BICD2: variants seen among roughly 807,000 people sequenced by gnomAD.
The protein encoded by BICD2 is BICD cargo adaptor 2, also known as protein bicaudal D homolog 2.
In BICD2, 25 loss-of-function variants were observed where a neutral mutation model predicts 72.9. That is an observed-to-expected ratio of 0.34 (90% CI 0.25 to 0.48). The LOEUF (loss-of-function observed/expected upper bound fraction) is 0.48. Among genes scored for constraint, BICD2 ranks in the 20% least tolerant of loss-of-function variants. BICD2 has a pLI of 0.99. For missense variants in BICD2, 894 were observed against 1,175.2 expected, an observed-to-expected ratio of 0.76 and a Z score of 3.50; for synonymous variants, 501 against 516.1, an observed-to-expected ratio of 0.97 and a Z score of 0.40.
chr9:92,714,307 T>C lies in BICD2; in HGVS notation c.*847A>G, dbSNP rs904767072. On this transcript the variant is annotated 3_prime_UTR_variant, in exon 7 of 7. Transcript: ENST00000356884. The stretch of plus-strand genomic sequence containing the variant: ...GAACCCCCTATGGAAGGCCGGATAA[T>C]TGGCTGCTGGGGTCACCCCAAGTAC... 1.5e-5 allele frequency: 15 copies of C among 985,376 alleles called. No individual in the cohort carries two copies. The African/African-American group carries it at 2.4e-4, about 16-fold the overall frequency. The allele number at this position is 985,376 out of a possible 1,614,324, so 61.0% of individuals were successfully genotyped here.
chr9:92,749,148 C>T (rs571763950), intron 1 of BICD2, among the ~76,000 whole-genome samples: 3 of 151,918 alleles, frequency 2.0e-5, no homozygotes, highest in African/African-American at 7.2e-5. Flanking sequence ...AGGGTGGGGC[C>T]TCTTGAGGAC....
chr9:92,730,995 C>T (rs1216919084), intron 1 of BICD2, among the ~76,000 whole-genome samples: 1 of 152,206 alleles, frequency 6.6e-6, no homozygotes, highest in African/African-American at 2.4e-5. Flanking sequence ...TACACAGCAC[C>T]TCATCCACCC....
intron 1 of BICD2, among the ~76,000 whole-genome samples, chr9:92,751,109 C>T (rs1854138645): frequency 1.3e-5 from 2 of 149,604 alleles, no homozygotes; most frequent in Admixed American, 1.4e-4. Flanking sequence ...TGAGGTTTCA[C>T]CATGTTGGCC....
In BICD2 at chr9:92,719,598, C is replaced by T; in HGVS notation, c.1063-16G>A. On this transcript the variant is annotated splice_polypyrimidine_tract_variant and intron_variant, in intron 4 of 6. Coordinates refer to ENST00000356884, the MANE Select transcript of BICD2 (RefSeq NM_001003800.2). ...CCCGCTCCATCTGCAAAGGCACAGG[C>T]AGCAGGACACCATGTCAGTTGCTAT... 6.3e-7 allele frequency: 1 copy of T among 1,578,350 alleles called. No homozygotes were observed. The highest frequency in any genetic ancestry group is 8.6e-7 in the Non-Finnish European group (1 of 1,165,068).
chr9:92,714,732 T>C lies in BICD2; in HGVS notation c.*422A>G. 1.0e-6 allele frequency: 1 copy of C among 999,396 alleles called. No individual in the cohort carries two copies. The highest frequency in any genetic ancestry group is 1.2e-6 in the Non-Finnish European group (1 of 839,796). The allele number at this position is 999,396 out of a possible 1,614,324, so 61.9% of individuals were successfully genotyped here. A position where few individuals can be genotyped will look rare whatever the true frequency, so the allele number is the denominator to read the frequency against. On this transcript the variant is annotated 3_prime_UTR_variant, in exon 7 of 7. Coordinates refer to ENST00000356884, the MANE Select transcript of BICD2 (RefSeq NM_001003800.2). Reference sequence around the variant, plus strand: ...AGGCTGGAACCTCCTAAAACTGCTTTCTAGTGCTGACATTAGACACATGCG... The same window carrying C: ...AGGCTGGAACCTCCTAAAACTGCTTCCTAGTGCTGACATTAGACACATGCG...
At chr9:92,745,515 G>T (rs1266420216) in intron 1 of BICD2, among the ~76,000 whole-genome samples, 1 of 152,044 alleles carries the variant, frequency 6.6e-6, no homozygotes, top group Non-Finnish European at 1.5e-5. Flanking sequence ...TCCACCCCCA[G>T]GTTTTCCCAG....
chr9:92,720,744 C>G lies in BICD2; in HGVS notation c.618G>C (p.Glu206Asp). Residue 206 changes from glutamate to aspartate, a missense_variant, in exon 4 of 7, where the codon GAG becomes GAC. Glu to Asp is a conservative substitution (Grantham distance 45, BLOSUM62 2). Coordinates refer to ENST00000356884, the MANE Select transcript of BICD2 (RefSeq NM_001003800.2). The surrounding 1 kb of genome is among the most constrained non-coding windows in gnomAD (Gnocchi z 5.4). ...SVLRQNQVEF[E>D]GLKHEIKRLE... ...GACGCTTGATCTCATGCTTGAGGCC[C>G]TCAAACTCCACCTGGGAAGAGAAGT... 1.2e-6 allele frequency: 2 copies of G among 1,613,448 alleles called. No homozygotes were observed. The highest frequency in any genetic ancestry group is 1.7e-6 in the Non-Finnish European group (2 of 1,179,546).
rs540475126 is a variant in BICD2, at chr9:92,718,887, T to C, written c.1758A>G (p.Leu586=). 3 of 1,601,278 alleles carry C rather than the reference T, an allele frequency of 1.9e-6. No individual in the cohort carries two copies. The highest frequency in any genetic ancestry group is 1.7e-5 in the Admixed American group (1 of 58,022). The change falls in exon 5 of 7, where the codon CTA becomes CTG. Residue 586 remains leucine, a synonymous_variant. Transcript: ENST00000356884. ...CCTCAGGAGCCAGCAGCCCCTTGGG[T>C]AGGAGGATGGGTGAGCGCCGGCCAC... is the stretch of plus-strand genomic sequence containing the variant. ...EARGRRSPIL[L]PKGLLAPEAG...
chr9:92,713,317 A>G lies in BICD2; in HGVS notation c.*1837T>C, dbSNP rs1853229864. On this transcript the variant is annotated 3_prime_UTR_variant, in exon 7 of 7. Transcript: ENST00000356884. ...AAACCTGGGGAATGCTATTTTGAAA[A>G]GAATTGCAGTGGCATATCCAAAAAG... 5.6e-6 allele frequency: 5 copies of G among 894,024 alleles called. No homozygotes were observed. The highest frequency in any genetic ancestry group is 8.7e-6 in the Non-Finnish European group (5 of 575,194). The allele number at this position is 894,024 out of a possible 1,614,324, so 55.4% of individuals were successfully genotyped here. A position where few individuals can be genotyped will look rare whatever the true frequency, so the allele number is the denominator to read the frequency against.
rs907495615 is a variant in BICD2 at position 92,720,819 on chromosome 9, A to G, written c.607-64T>C. The G allele has an allele frequency of 2.0e-6, 3 of 1,527,610 alleles. No individual in the cohort carries two copies. The African/African-American group carries it at 4.1e-5, about 21-fold the overall frequency. The allele number at this position is 1,527,610 out of a possible 1,614,324, so 94.6% of individuals were successfully genotyped here. A position where few individuals can be genotyped will look rare whatever the true frequency, so the allele number is the denominator to read the frequency against. On this transcript the variant is annotated intron_variant, in intron 3 of 6. Coordinates refer to ENST00000356884, the MANE Select transcript of BICD2 (RefSeq NM_001003800.2). The surrounding 1 kb of genome is among the most constrained non-coding windows in gnomAD (Gnocchi z 5.4). ...TGGAAGCTCCTTTCAGGCCCCATAAATGAAGAAAACACACCAGCACACCAA... is the reference window on the plus strand; with the variant it reads ...TGGAAGCTCCTTTCAGGCCCCATAAGTGAAGAAAACACACCAGCACACCAA...
At chr9:92,759,494 G>A (rs578240583) in intron 1 of BICD2, among the ~76,000 whole-genome samples, 35 of 152,312 alleles carry the variant, frequency 2.3e-4, no homozygotes, top group South Asian at 1.9e-3. Flanking sequence ...AGGGTGGCAA[G>A]GGGAGCCTGC....
intron 1 of BICD2, among the ~76,000 whole-genome samples, chr9:92,730,088 C>A (rs1481725989): frequency 6.6e-6 from 1 of 152,228 alleles, no homozygotes; most frequent in African/African-American, 2.4e-5. Flanking sequence ...CCTCTCCTTC[C>A]CTCCCACTGC....
rs145083783 is a variant in BICD2 at position 92,720,615 on chromosome 9, C to T, written c.747G>A (p.Thr249=). The T allele has an allele frequency of 4.3e-5, 69 of 1,614,024 alleles. No homozygotes were observed. Among genetic ancestry groups the T allele is most frequent in the Non-Finnish European group, 5.4e-5 (64 of 1,180,038 alleles). ...QLEEALETLK[T]EREQKNSLRK... Reference sequence around the variant, plus strand: ...GCAGGCTGTTCTTCTGTTCGCGCTCCGTCTTCAGGGTCTCCAGCGCCTCCT... The same window carrying T: ...GCAGGCTGTTCTTCTGTTCGCGCTCTGTCTTCAGGGTCTCCAGCGCCTCCT... The change falls in exon 4 of 7, where the codon ACG becomes ACA. Residue 249 remains threonine (T), a synonymous_variant. Transcript: ENST00000356884. The surrounding 1 kb of genome is among the most constrained non-coding windows in gnomAD (Gnocchi z 5.4).
intron 1 of BICD2, among the ~76,000 whole-genome samples, chr9:92,739,042 G>C (rs549560144): frequency 6.6e-6 from 1 of 152,272 alleles, no homozygotes; most frequent in South Asian, 2.1e-4. Flanking sequence ...AATCCCACTA[G>C]TCCTAGCCTG....
Position 92,715,374 on chromosome 9 carries a change from C to A in BICD2, c.2348G>T (p.Arg783Leu). 2 of 1,612,414 alleles carry A rather than the reference C, an allele frequency of 1.2e-6. No homozygotes were observed. Among genetic ancestry groups the A allele is most frequent in the South Asian group, 1.1e-5 (1 of 91,058 alleles). Residue 783 changes from arginine to leucine, a missense_variant, in exon 7 of 7, where the codon CGC becomes CTC. By Grantham distance (102) the Arg-to-Leu change is moderately radical. Transcript: ENST00000356884. Reference protein sequence around the residue: ...DEKKTLNSLLRMAIQQKLALT... With the variant: ...DEKKTLNSLLLMAIQQKLALT... Reference sequence around the variant, plus strand: ...CGCCAGCTTCTGCTGGATGGCCATGCGCAGCAGCGAGTTCAGCGTCTTCTT... The same window carrying A: ...CGCCAGCTTCTGCTGGATGGCCATGAGCAGCAGCGAGTTCAGCGTCTTCTT...
chr9:92,736,552 G>A (rs72758511), intron 1 of BICD2, among the ~76,000 whole-genome samples: 3,002 of 152,284 alleles, frequency 0.02, 51 homozygotes, highest in Middle Eastern at 0.037. Context: ...ATAACTATAA[G>A]TATCCTTAAG....
intron 1 of BICD2, among the ~76,000 whole-genome samples, chr9:92,752,250 G>T (rs187214690): frequency 1.4e-3 from 206 of 152,160 alleles, no homozygotes; most frequent in Non-Finnish European, 2.3e-3. Context: ...AGGGCTTCTT[G>T]GGGTAAATAG....
At chr9:92,758,320 G>A (rs1854303836) in intron 1 of BICD2, among the ~76,000 whole-genome samples, 1 of 151,948 alleles carries the variant, frequency 6.6e-6, no homozygotes, top group Non-Finnish European at 1.5e-5. Context: ...GGGAGGCTGA[G>A]GCAGGCAGAT....
Position 92,711,807 on chromosome 9 carries a change from G to A in BICD2, c.*3347C>T, listed in dbSNP as rs1853200099. On this transcript the variant is annotated 3_prime_UTR_variant, in exon 7 of 7. Coordinates refer to ENST00000356884, the MANE Select transcript of BICD2 (RefSeq NM_001003800.2). ...CTAGGAATAAGAAATGCTTATTCCA[G>A]GAAACAGAATTCTTTTATTTTTGTC... 6.6e-6 allele frequency: 1 copy of A among 152,460 alleles called. No homozygotes were observed. Among genetic ancestry groups the A allele is most frequent in the South Asian group, 2.1e-4 (1 of 4,818 alleles). 9.4% of individuals were successfully genotyped at this position (152,460 alleles called of 1,614,324 possible).
Sources: allele counts gnomAD v4.1 joint callset (sites outside exome capture counted in the v4.1 genomes callset), GRCh38; gene constraint gnomAD v4.1.1; non-coding constraint Gnocchi (gnomAD v3.1); transcripts MANE v1.5; gene names NCBI Gene and HGNC (gene_info 2026-07-23, HGNC 2026-07-21).